The following WARS2 variants were observed in gnomAD, a reference collection of about 807,000 sequenced individuals.
WARS2 encodes tryptophanyl tRNA synthetase 2, mitochondrial.
A neutral mutation model predicts 36.5 loss-of-function variants in WARS2; 28 were observed. That is an observed-to-expected ratio of 0.77 (90% CI 0.57 to 1.05). The LOEUF (loss-of-function observed/expected upper bound fraction) is 1.05. Ranked by LOEUF, WARS2 falls within the 50% of genes least tolerant of loss-of-function variation. The pLI is 0.00. For missense variants in WARS2, 435 were observed against 456.8 expected, an observed-to-expected ratio of 0.95 and a Z score of 0.44; for synonymous variants, 174 against 178.4, an observed-to-expected ratio of 0.98 and a Z score of 0.20.
At chr1:119,082,569 A>G (rs1652281110) in intron 1 of WARS2, 1 of 429,872 alleles carries the variant, frequency 2.3e-6, no homozygotes, top group Non-Finnish European at 3.1e-6. Context: ...ACTGGACTCC[A>G]AATTCTATAT....
chr1:119,066,265 C>G (rs1204249809), intron 2 of WARS2, among the ~76,000 whole-genome samples: 1 of 151,948 alleles, frequency 6.6e-6, no homozygotes, highest in Non-Finnish European at 1.5e-5. Context: ...ATCACAAGGT[C>G]AGGAGATCGA....
chr1:119,095,023 T>C (rs1653323669), intron 1 of WARS2, among the ~76,000 whole-genome samples: 2 of 152,198 alleles, frequency 1.3e-5, no homozygotes, highest in Admixed American at 1.3e-4. Context: ...GGGGAACAAA[T>C]AGTCCTATAC....
chr1:119,042,291 A>G lies in WARS2; in HGVS notation c.488T>C (p.Leu163Pro), dbSNP rs1257037736. 1 of 1,613,878 alleles carries G rather than the reference A, an allele frequency of 6.2e-7. No individual in the cohort carries two copies. The highest frequency in any genetic ancestry group is 1.1e-5 in the South Asian group (1 of 91,066). The part of the protein sequence containing the change: ...GTVGLLTYPV[L>P]QAADILLYKS... Reference sequence around the variant, plus strand: ...GTACAACAGAATGTCGGCTGCCTGGAGTACTGGGTATGTGAGCAGGCCCAC... The same window carrying G: ...GTACAACAGAATGTCGGCTGCCTGGGGTACTGGGTATGTGAGCAGGCCCAC... Residue 163 changes from leucine (L) to proline (P), a missense_variant, in exon 4 of 6, where the codon CTC becomes CCC. Coordinates refer to ENST00000235521, the MANE Select transcript of WARS2 (RefSeq NM_015836.4).
At chr1:119,033,522 G>C (rs1647624167) in intron 5 of WARS2, 163 bp from the exon 6 acceptor site, 2 of 814,654 alleles carry the variant, frequency 2.5e-6, no homozygotes, top group Admixed American at 2.5e-5. Flanking sequence ...AACTGTACTT[G>C]AAATACCCAC....
At chr1:119,138,835 A>G (rs1656713363) in intron 1 of WARS2, among the ~76,000 whole-genome samples, 1 of 152,216 alleles carries the variant, frequency 6.6e-6, no homozygotes, top group Admixed American at 6.5e-5. Context: ...GAAATTCTAC[A>G]TCTTGAAACA....
chr1:119,074,679 G>A (rs1557961734), intron 2 of WARS2, among the ~76,000 whole-genome samples: 4 of 152,098 alleles, frequency 2.6e-5, no homozygotes, highest in South Asian at 4.2e-4. Context: ...CATACAGTTG[G>A]CCCTCTGAAT....
At chr1:119,095,706 C>T (rs767699138) in intron 1 of WARS2, among the ~76,000 whole-genome samples, 36 of 152,220 alleles carry the variant, frequency 2.4e-4, no homozygotes, top group Non-Finnish European at 5.0e-4. Flanking sequence ...GCTGGGATTA[C>T]AGGAGCAAGC....
intron 4 of WARS2, among the ~76,000 whole-genome samples, chr1:119,038,991 C>G (rs1648122050): frequency 6.6e-6 from 1 of 152,178 alleles, no homozygotes; most frequent in Non-Finnish European, 1.5e-5. Context: ...AGTTTCCAGT[C>G]TTCTTATCCT....
At chr1:119,071,622 A>G (rs1374505016) in intron 2 of WARS2, among the ~76,000 whole-genome samples, 1 of 152,208 alleles carries the variant, frequency 6.6e-6, no homozygotes, top group Non-Finnish European at 1.5e-5. Context: ...GCTCACGTAC[A>G]TGTGAAATCT....
At chr1:119,133,891 T>C (rs1656277150) in intron 1 of WARS2, among the ~76,000 whole-genome samples, 1 of 152,106 alleles carries the variant, frequency 6.6e-6, no homozygotes, top group African/African-American at 2.4e-5. Flanking sequence ...AGTAAAAATT[T>C]TTGATGGCTA....
chr1:119,033,045 T>C lies in WARS2; in HGVS notation c.949A>G (p.Ile317Val), dbSNP rs75040541. The C allele has an allele frequency of 1.1e-4, 171 of 1,614,248 alleles. 3 individuals are homozygous for C. The East Asian group carries it at 1.5e-3, about 14-fold the overall frequency. Residue 317 changes from isoleucine to valine, a missense_variant, in exon 6 of 6, where the codon ATT (isoleucine) becomes GTT (valine). Ile to Val is a conservative substitution (Grantham distance 29, BLOSUM62 3). Coordinates refer to ENST00000235521, the MANE Select transcript of WARS2 (RefSeq NM_015836.4). The part of the protein sequence containing the change: ...ADAVIEKFAP[I>V]KREIEKLKLD... ...TTCAGTTTTTCAATTTCACGCTTAATTGGGGCAAACTTCTCAATCACAGCA... is the reference window on the plus strand; with the variant it reads ...TTCAGTTTTTCAATTTCACGCTTAACTGGGGCAAACTTCTCAATCACAGCA...
chr1:119,042,038 ATAT>A (rs779165606), intron 4 of WARS2, among the ~76,000 whole-genome samples: 2 of 152,214 alleles, frequency 1.3e-5, no homozygotes, highest in Non-Finnish European at 2.9e-5. Flanking sequence ...TCAGCTCTTA[ATAT>A]TATTAGTTTC....
At chr1:119,111,209 G>A (rs183438542) in intron 1 of WARS2, among the ~76,000 whole-genome samples, 2 of 152,212 alleles carry the variant, frequency 1.3e-5, no homozygotes, top group Non-Finnish European at 2.9e-5. Flanking sequence ...TTTGTTCAAA[G>A]GTGGACATAA....
intron 1 of WARS2, among the ~76,000 whole-genome samples, chr1:119,124,388 G>C (rs1655518381): frequency 1.3e-5 from 2 of 152,120 alleles, no homozygotes; most frequent in South Asian, 4.1e-4. Flanking sequence ...TACTTGGAAT[G>C]CTGAGGCAGG....
chr1:119,131,458 G>GTTTTTTTTTTTTTTTT (rs761800862), intron 1 of WARS2, among the ~76,000 whole-genome samples: 1 of 134,302 alleles, frequency 7.4e-6, no homozygotes. Context: ...AAAGTTTTTT[G>GTTTTTTTTTTTTTTTT]TTTTTTGTTT....
At chr1:119,066,920 G>A (rs1483577509) in intron 2 of WARS2, among the ~76,000 whole-genome samples, 2 of 152,146 alleles carry the variant, frequency 1.3e-5, no homozygotes. Flanking sequence ...TCTTTCACAT[G>A]TGCACAAAAG....
At chr1:119,098,374 G>C (rs1449242942) in intron 1 of WARS2, among the ~76,000 whole-genome samples, 1 of 152,196 alleles carries the variant, frequency 6.6e-6, no homozygotes, top group African/African-American at 2.4e-5. Context: ...TAGAGTGCAA[G>C]TAATCTCACT....
intron 1 of WARS2, among the ~76,000 whole-genome samples, chr1:119,088,365 G>T (rs942948561): frequency 1.3e-5 from 2 of 151,726 alleles, no homozygotes; most frequent in African/African-American, 4.8e-5. Flanking sequence ...CCATGAATGA[G>T]AAACCACTGT....
intron 4 of WARS2, among the ~76,000 whole-genome samples, chr1:119,035,112 T>C (rs1259200752): frequency 1.3e-5 from 2 of 152,206 alleles, no homozygotes; most frequent in Non-Finnish European, 2.9e-5. Context: ...TTTAATCCCA[T>C]ATGTAAAGTT....
Sources: allele counts gnomAD v4.1 joint callset (sites outside exome capture counted in the v4.1 genomes callset), GRCh38; gene constraint gnomAD v4.1.1; transcripts MANE v1.5; gene names NCBI Gene and HGNC (gene_info 2026-07-23, HGNC 2026-07-21).